The following BLNK variants were observed in gnomAD, a reference collection of about 807,000 sequenced individuals.
BLNK encodes the protein B-cell linker protein.
In BLNK, 29 loss-of-function variants were observed where a neutral mutation model predicts 73.5. The ratio of observed to expected loss-of-function variants is 0.39; its 90% CI spans 0.29 to 0.54. The LOEUF (loss-of-function observed/expected upper bound fraction) is 0.54. Among genes scored for constraint, BLNK ranks in the 20% least tolerant of loss-of-function variants. The probability of loss-of-function intolerance (pLI) is 0.61; values close to 1 mark genes in which losing one functional copy is unlikely to be tolerated. For missense variants in BLNK, 460 were observed against 562.8 expected (o/e 0.82, Z 1.85); for synonymous variants, 176 against 200.8 (o/e 0.88, Z 1.04).
chr10:96,226,287 T>G (rs587652207), intron 5 of BLNK, among the ~76,000 whole-genome samples: 9 of 152,364 alleles, frequency 5.9e-5, no homozygotes, highest in African/African-American at 1.7e-4. Flanking sequence ...CTTAGCATAG[T>G]TCTGGTGCAT....
intron 16 of BLNK, among the ~76,000 whole-genome samples, chr10:96,193,992 G>A (rs782663957): frequency 6.6e-6 from 1 of 152,178 alleles, no homozygotes; most frequent in Non-Finnish European, 1.5e-5. Context: ...TGCTATTATA[G>A]TAATATATTA....
rs587720174 is a variant in BLNK, at chr10:96,212,876, G to A, written c.676+2445C>T. 7.9e-5 allele frequency among the ~76,000 whole-genome samples: 12 copies of A among 152,222 alleles called. No homozygotes were observed. In the South Asian group the frequency reaches 1.9e-3, roughly 24 times the overall value. ...TGAAGGTTCCACTGTTTGCACACTC[G>A]GAAACCCACTCGGACTGTTTAGGCT... On this transcript the variant is annotated intron_variant, in intron 8 of 16. Coordinates refer to ENST00000224337, the MANE Select transcript of BLNK (RefSeq NM_013314.4).
intron 3 of BLNK, among the ~76,000 whole-genome samples, chr10:96,232,006 T>C (rs1842517713): frequency 6.6e-6 from 1 of 152,242 alleles, no homozygotes; most frequent in Admixed American, 6.5e-5. Flanking sequence ...AAAATAAGTC[T>C]GAATTATGAC....
At chr10:96,252,915 C>A (rs1554909620) in intron 1 of BLNK, among the ~76,000 whole-genome samples, 1 of 152,128 alleles carries the variant, frequency 6.6e-6, no homozygotes, top group African/African-American at 2.4e-5. Flanking sequence ...GATAGGCTGT[C>A]TTTGCTGTCA....
At chr10:96,207,257 G>A (rs2083839485) in intron 10 of BLNK, among the ~76,000 whole-genome samples, 1 of 152,204 alleles carries the variant, frequency 6.6e-6, no homozygotes, top group African/African-American at 2.4e-5. Flanking sequence ...GTCCTATGAA[G>A]GAGCAATGTC....
chr10:96,199,522 A>AG (rs1554895533), intron 15 of BLNK: 1 of 461,318 alleles, frequency 2.2e-6, no homozygotes, highest in East Asian at 6.7e-5. Context: ...AGGGCAGTGG[A>AG]GGCTGTGGGT....
At chr10:96,199,138 A>G (rs1276448063) in intron 15 of BLNK, among the ~76,000 whole-genome samples, 1 of 152,234 alleles carries the variant, frequency 6.6e-6, no homozygotes, top group Non-Finnish European at 1.5e-5. Context: ...ACACACTAAT[A>G]TATTTACTTG....
intron 1 of BLNK, among the ~76,000 whole-genome samples, chr10:96,252,534 A>G (rs1843328097): frequency 6.6e-6 from 1 of 152,258 alleles, no homozygotes; most frequent in African/African-American, 2.4e-5. Context: ...AGTTTCAGAC[A>G]AATAAATTGG....
intron 16 of BLNK, among the ~76,000 whole-genome samples, chr10:96,195,691 T>A (rs2083447866): frequency 6.6e-6 from 1 of 152,242 alleles, no homozygotes; most frequent in Non-Finnish European, 1.5e-5. Flanking sequence ...GTATAGGGTT[T>A]TAGTTCTATA....
chr10:96,244,158 C>A (rs1190032570), intron 2 of BLNK, among the ~76,000 whole-genome samples: 1 of 152,162 alleles, frequency 6.6e-6, no homozygotes, highest in Non-Finnish European at 1.5e-5. Context: ...CAATTCTCCT[C>A]ACAAGCCAGC....
At chr10:96,243,993 A>G (rs922891440) in intron 2 of BLNK, among the ~76,000 whole-genome samples, 4 of 151,068 alleles carry the variant, frequency 2.6e-5, no homozygotes, top group African/African-American at 9.8e-5. Flanking sequence ...TCATGTTTTG[A>G]AAAAAAAAGC....
At chr10:96,254,867 C>T (rs1055418677) in intron 1 of BLNK, among the ~76,000 whole-genome samples, 1 of 152,160 alleles carries the variant, frequency 6.6e-6, no homozygotes, top group Non-Finnish European at 1.5e-5. Context: ...GGCAGTCTTT[C>T]TACATCTCCT....
chr10:96,204,510 C>A, intron 12 of BLNK, 22 bp downstream of exon 12: 1 of 1,611,796 alleles, frequency 6.2e-7, no homozygotes, highest in Non-Finnish European at 8.5e-7. Context: ...GGAAACTGAT[C>A]TTTAAAGGAA....
intron 15 of BLNK, among the ~76,000 whole-genome samples, chr10:96,198,036 A>G (rs1248520709): frequency 2.6e-5 from 4 of 151,970 alleles, no homozygotes; most frequent in Non-Finnish European, 5.9e-5. Flanking sequence ...ATTACGAACA[A>G]AAGATGGACA....
At position 96,200,218 on chromosome 10, in the gene BLNK, G is replaced by A. The variant is rs936438106; in HGVS notation, c.1012-60C>T. On this transcript the variant is annotated intron_variant, in intron 14 of 16. Transcript: ENST00000224337. This position sits in a 1 kb window ranked among gnomAD's most constrained non-coding sequence, Gnocchi z 4.3. Reference sequence around the variant, plus strand: ...GTCCCTACTTAACTCTAATTTCTGTGTACTAGAAACAAAGACCCATTTGCA... The same window carrying A: ...GTCCCTACTTAACTCTAATTTCTGTATACTAGAAACAAAGACCCATTTGCA... 1.5e-5 allele frequency: 22 copies of A among 1,429,760 alleles called. No homozygotes were observed. The highest frequency in any genetic ancestry group is 9.8e-5 in the African/African-American group (7 of 71,282). 88.6% of individuals were successfully genotyped at this position (1,429,760 alleles called of 1,614,324 possible).
At chr10:96,195,629 G>A (rs1007875628) in intron 16 of BLNK, among the ~76,000 whole-genome samples, 1 of 152,166 alleles carries the variant, frequency 6.6e-6, no homozygotes, top group African/African-American at 2.4e-5. Flanking sequence ...AAAATAGAAC[G>A]TGGTTGCTAG....
chr10:96,268,703 C>T (rs1589354654), intron 1 of BLNK, among the ~76,000 whole-genome samples: 1 of 152,172 alleles, frequency 6.6e-6, no homozygotes, highest in African/African-American at 2.4e-5. Context: ...GCCCTCCTTT[C>T]CTTGGATGAC....
chr10:96,240,303 T>C (rs1380335370), intron 3 of BLNK, among the ~76,000 whole-genome samples: 2 of 152,202 alleles, frequency 1.3e-5, no homozygotes, highest in Non-Finnish European at 2.9e-5. Flanking sequence ...TCAGAAAATG[T>C]GCGAAACAGC....
chr10:96,207,908 TA>T lies in BLNK; in HGVS notation c.747-10del. 1 of 1,613,844 alleles carries T rather than the reference TA, an allele frequency of 6.2e-7. No individual in the cohort carries two copies. Among genetic ancestry groups the T allele is most frequent in the Non-Finnish European group, 8.5e-7 (1 of 1,179,762 alleles). ...GTGTCGTTGGTTTTTTCCTGGGGAA[TA>T]AAAAGAGATGAGCTTTGTTAAAACA... is the stretch of plus-strand genomic sequence containing the variant. On this transcript the variant is annotated splice_polypyrimidine_tract_variant and intron_variant, in intron 9 of 16. Coordinates refer to ENST00000224337, the MANE Select transcript of BLNK (RefSeq NM_013314.4).
Sources: allele counts gnomAD v4.1 joint callset (sites outside exome capture counted in the v4.1 genomes callset), GRCh38; gene constraint gnomAD v4.1.1; non-coding constraint Gnocchi (gnomAD v3.1); transcripts MANE v1.5; gene names NCBI Gene and HGNC (gene_info 2026-07-23, HGNC 2026-07-21).